Variants in ENAM observed in about 807,000 individuals in gnomAD.
ENAM encodes amelogenesis imperfecta 2, hypocalcification (autosomal dominant).
Under a neutral mutation model 33.6 loss-of-function variants are expected in ENAM, and 21 were observed. The ratio of observed to expected loss-of-function variants is 0.63; its 90% confidence interval spans 0.44 to 0.90. ENAM has a LOEUF of 0.90. Ranked by LOEUF, ENAM falls within the 40% of genes least tolerant of loss-of-function variation. ENAM has a pLI of 0.00. For synonymous variants in ENAM, 473 were observed against 468.4 expected, an observed-to-expected ratio of 1.01 and a Z score of -0.13; for missense variants, 1,388 against 1,366.9, an observed-to-expected ratio of 1.02 and a Z score of -0.24.
At chr4:70,637,740 G>A (rs770210856) in intron 7 of ENAM, 50 bp from the exon 8 acceptor site, 44 of 1,375,376 alleles carry the variant, frequency 3.2e-5, no homozygotes, top group African/African-American at 4.3e-5. Flanking sequence ...AACAAATGGC[G>A]GCATCGAACG....
rs373499331 is a variant in ENAM, at chr4:70,643,661, C to A, written c.2235C>A (p.Gly745=). The A allele has an allele frequency of 3.1e-6, 5 of 1,614,084 alleles. No individual in the cohort carries two copies. The highest frequency in any genetic ancestry group is 1.1e-5 in the South Asian group (1 of 91,076). ...TGCCACCACCTATAGAGAGCAGGGG[C>A]TACTACGTTAATAATGCCGCTGGAC... ...STMPPPIESR[G]YYVNNAAGPE... is the part of the protein sequence containing the mutation. The change falls in exon 9 of 9, where the codon GGC becomes GGA. Residue 745 remains glycine, a synonymous_variant. Coordinates refer to ENST00000396073, the MANE Select transcript of ENAM (RefSeq NM_031889.3).
Position 70,642,922 on chromosome 4 carries a change from G to C in ENAM, c.1496G>C (p.Gly499Ala), listed in dbSNP as rs1274331203. The change falls in exon 9 of 9, where the codon GGA becomes GCA. Residue 499 changes from glycine to alanine, a missense_variant. Physicochemically the swap from Gly to Ala is moderately conservative, Grantham distance 60. Transcript: ENST00000396073. ...CATGAAAACTCCTATTACCCAAGAG[G>C]AGATTCCAGAAAAGTCCCAAATTCT... ...DQHENSYYPR[G>A]DSRKVPNSDG... 4 of 1,613,876 alleles carry C rather than the reference G, an allele frequency of 2.5e-6. No homozygotes were observed. In the African/African-American group the frequency reaches 5.3e-5, roughly 22 times the overall value.
rs114224141 is a variant in ENAM, at chr4:70,638,984, A to G, written c.588+1141A>G. On this transcript the variant is annotated intron_variant, in intron 8 of 8. Coordinates refer to ENST00000396073, the MANE Select transcript of ENAM (RefSeq NM_031889.3). ...GTCTAATCTTTGTATTTTTTTAGAG[A>G]TGGGATTTCACCATGTTGACCAGAC... Among the ~76,000 whole-genome samples the G allele has an allele frequency of 8.5e-3, 1,292 of 151,622 alleles. 14 individuals carry two copies. The highest frequency in any genetic ancestry group is 0.03 in the African/African-American group (1,235 of 41,352).
At chr4:70,640,919 C>T (rs748495528) in intron 8 of ENAM, among the ~76,000 whole-genome samples, 1 of 152,148 alleles carries the variant, frequency 6.6e-6, no homozygotes, top group Non-Finnish European at 1.5e-5. Context: ...CCACTCTCAG[C>T]CTCTAATACT....
At position 70,644,924 on chromosome 4, in the gene ENAM, T is replaced by A. The variant is rs886059586; in HGVS notation, c.*69T>A. 1.2e-5 allele frequency: 17 copies of A among 1,388,800 alleles called. No individual in the cohort carries two copies. The highest frequency in any genetic ancestry group is 1.7e-5 in the Non-Finnish European group (17 of 980,724). 86.0% of individuals were successfully genotyped at this position (1,388,800 alleles called of 1,614,324 possible). ...CATTCTATACCAATGGTTCCCAAAA[T>A]TTTTTCCCCAAGACTTAATTAAGTG... On this transcript the variant is annotated 3_prime_UTR_variant, in exon 9 of 9. Transcript: ENST00000396073.
chr4:70,631,798 CTTATT>C (rs1280363503), intron 3 of ENAM, 46 bp from the exon 4 acceptor site: 1 of 1,608,378 alleles, frequency 6.2e-7, no homozygotes. Flanking sequence ...AATTGTTGAG[CTTATT>C]TCAACTGATG....
Position 70,644,781 on chromosome 4 carries a change from A to G in ENAM, c.3355A>G (p.Ser1119Gly), listed in dbSNP as rs755342009. The G allele has an allele frequency of 6.2e-7, 1 of 1,614,082 alleles. No individual in the cohort carries two copies. The highest frequency in any genetic ancestry group is 8.5e-7 in the Non-Finnish European group (1 of 1,179,908). The change falls in exon 9 of 9, where the codon AGT becomes GGT. Residue 1119 changes from serine to glycine, a missense_variant. Ser to Gly is a moderately conservative substitution (Grantham distance 56). Transcript: ENST00000396073. ...AGACCCACTTGATGCAGATGAACAC[A>G]GTCCATTTGAATTCCTTCAAAGAGG... Reference protein sequence around the residue: ...NVDPLDADEHSPFEFLQRGTN... With the variant: ...NVDPLDADEHGPFEFLQRGTN...
chr4:70,635,098 C>T (rs145405004), intron 6 of ENAM, among the ~76,000 whole-genome samples: 14 of 152,216 alleles, frequency 9.2e-5, no homozygotes, highest in East Asian at 1.9e-4. Context: ...GCTTTTAGGC[C>T]GGGCGTGGTG....
rs774770647 is a variant in ENAM, at chr4:70,634,395, A to G, written c.298A>G (p.Asn100Asp). The G allele has an allele frequency of 6.2e-6, 10 of 1,613,938 alleles. No individual in the cohort carries two copies. The Admixed American group carries it at 8.3e-5, about 13-fold the overall frequency. ...QMPMWPQPPP[N>D]TWHPRKSSAP... ...GCCCATGTGGCCTCAGCCACCACCC[A>G]ACACATGGCATCCACGGAAATCCTC... Residue 100 changes from asparagine to aspartate, a missense_variant, in exon 6 of 9, where the codon AAC (asparagine) becomes GAC (aspartate). By Grantham distance (23) the Asn-to-Asp change is conservative (BLOSUM62 1). Transcript: ENST00000396073.
intron 3 of ENAM, 27 bp downstream of exon 3, chr4:70,631,765 T>A (rs1334105642): frequency 6.2e-7 from 1 of 1,608,640 alleles, no homozygotes; most frequent in Non-Finnish European, 8.5e-7. Flanking sequence ...TGTTAGCTCT[T>A]CTCTTTGTGT....
chr4:70,637,611 T>C (rs1251070120), intron 7 of ENAM, 179 bp from the exon 8 acceptor site: 1 of 646,894 alleles, frequency 1.5e-6, no homozygotes, highest in African/African-American at 1.8e-5. Context: ...TATTCACTGT[T>C]AGATCATAAT....
At position 70,642,817 on chromosome 4, in the gene ENAM, A is replaced by T; in HGVS notation, c.1391A>T (p.Tyr464Phe). The change falls in exon 9 of 9, where the codon TAT becomes TTT. Residue 464 changes from tyrosine to phenylalanine, a missense_variant. Physicochemically the swap from Tyr to Phe is conservative, Grantham distance 22 (BLOSUM62 3). Coordinates refer to ENST00000396073, the MANE Select transcript of ENAM (RefSeq NM_031889.3). Reference sequence around the variant, plus strand: ...AGCCCCTGGAGAAACTCTCAACAGTATGAAGTTAATAAATCAAATTATAAA... The same window carrying T: ...AGCCCCTGGAGAAACTCTCAACAGTTTGAAGTTAATAAATCAAATTATAAA... ...PTSPWRNSQQ[Y>F]EVNKSNYKLP... 6.2e-7 allele frequency: 1 copy of T among 1,614,068 alleles called. No individual in the cohort carries two copies. The highest frequency in any genetic ancestry group is 8.5e-7 in the Non-Finnish European group (1 of 1,179,976).
chr4:70,643,698 A>T lies in ENAM; in HGVS notation c.2272A>T (p.Thr758Ser). 1 of 1,614,054 alleles carries T rather than the reference A, an allele frequency of 6.2e-7. No individual in the cohort carries two copies. Among genetic ancestry groups the T allele is most frequent in the Non-Finnish European group, 8.5e-7 (1 of 1,179,988 alleles). ...TAATGCCGCTGGACCAGAAGAAAGC[A>T]CTCTATTTCCTTCACGGAATTCCTG... ...VNNAAGPEESTLFPSRNSWDH... is the reference protein window; with the variant it reads ...VNNAAGPEESSLFPSRNSWDH... Residue 758 changes from threonine to serine, a missense_variant, in exon 9 of 9, where the codon ACT becomes TCT. Transcript: ENST00000396073.
Position 70,641,945 on chromosome 4 carries a change from T to TA in ENAM, c.589-64dup. On this transcript the variant is annotated intron_variant, in intron 8 of 8. Coordinates refer to ENST00000396073, the MANE Select transcript of ENAM (RefSeq NM_031889.3). The stretch of plus-strand genomic sequence containing the variant: ...GGCTGATAAGATTTCCCTGTTATAC[T>TA]AAAAAATTCCAAACAACACCATGGT... The TA allele has an allele frequency of 2.7e-6, 3 of 1,120,778 alleles. No individual in the cohort carries two copies. In the South Asian group the frequency reaches 3.7e-5, roughly 14 times the overall value. 69.4% of individuals were successfully genotyped at this position (1,120,778 alleles called of 1,614,324 possible). A position where few individuals can be genotyped will look rare whatever the true frequency, so the allele number is the denominator to read the frequency against.
rs121908109 is a variant in ENAM, at chr4:70,631,882, A to G, written c.157A>G (p.Lys53Glu). ...HMPRMPGFSS[K>E]SEEMMRYNQF... ...GCCCCGAATGCCTGGATTTAGCAGT[A>G]AAAGTGAGGAGGTATGTACGTTCAG... is the stretch of plus-strand genomic sequence containing the variant. The change falls in exon 4 of 9, where the codon AAA becomes GAA. Residue 53 changes from lysine (K) to glutamate (E), a missense_variant. Physicochemically the swap from Lys to Glu is moderately conservative, Grantham distance 56 (BLOSUM62 1). Transcript: ENST00000396073. The G allele has an allele frequency of 1.9e-6, 3 of 1,613,888 alleles. No homozygotes were observed. Among genetic ancestry groups the G allele is most frequent in the Non-Finnish European group, 1.7e-6 (2 of 1,179,748 alleles).
intron 8 of ENAM, 33 bp from the exon 9 acceptor site, chr4:70,641,982 G>A (rs1380354547): frequency 2.0e-6 from 3 of 1,511,070 alleles, no homozygotes; most frequent in African/African-American, 1.4e-5. Flanking sequence ...GGAAACAAAG[G>A]GCAATTATTG....
At chr4:70,637,697 C>T (rs891329055) in intron 7 of ENAM, 93 bp from the exon 8 acceptor site, 20 of 920,052 alleles carry the variant, frequency 2.2e-5, no homozygotes, top group Non-Finnish European at 3.7e-5. Flanking sequence ...CAATCATTGA[C>T]TTGAGCTATT....
Position 70,643,924 on chromosome 4 carries a change from T to A in ENAM, c.2498T>A (p.Met833Lys). ...GAAGGTGAGAATTTGAACTATGGCA[T>A]GCAAATAACTAGGATGAATTCTCCA... ...WHEGENLNYGMQITRMNSPER... is the reference protein window; with the variant it reads ...WHEGENLNYGKQITRMNSPER... Residue 833 changes from methionine (M) to lysine (K), a missense_variant, in exon 9 of 9, where the codon ATG becomes AAG. By Grantham distance (95) the Met-to-Lys change is moderately conservative. Coordinates refer to ENST00000396073, the MANE Select transcript of ENAM (RefSeq NM_031889.3). 1.2e-6 allele frequency: 2 copies of A among 1,614,204 alleles called. No homozygotes were observed. Among genetic ancestry groups the A allele is most frequent in the Non-Finnish European group, 1.7e-6 (2 of 1,180,022 alleles).
In ENAM at chr4:70,639,504, C is replaced by T. The variant is rs369681867; in HGVS notation, c.588+1661C>T. Among the ~76,000 whole-genome samples, 413 of 152,236 alleles carry T rather than the reference C, an allele frequency of 2.7e-3. 3 individuals are homozygous for T. Among genetic ancestry groups the T allele is most frequent in the African/African-American group, 8.3e-3 (343 of 41,552 alleles). On this transcript the variant is annotated intron_variant, in intron 8 of 8. Transcript: ENST00000396073. ...ACTGTGGAGCCTGAGGCAGAAGAAT[C>T]GCTTGAACCCAGGAGGGGAAGGTTG...
Sources: gnomAD v4.1 joint callset for allele counts (sites outside exome capture counted in the v4.1 genomes callset) on GRCh38, gnomAD v4.1.1 for gene constraint, MANE v1.5 for transcripts, NCBI Gene and HGNC (gene_info 2026-07-23, HGNC 2026-07-21) for gene names.